The following ITGB8 variants were observed in gnomAD, a reference collection of about 807,000 sequenced individuals.
ITGB8 encodes integrin subunit beta 8, also known as integrin beta-8.
In ITGB8, 30 loss-of-function variants were observed where a neutral mutation model predicts 89.5. The observed-to-expected ratio is 0.34, with a 90% CI of 0.25 to 0.45. The LOEUF is 0.45. Among genes scored for constraint, ITGB8 ranks in the 20% least tolerant of loss-of-function variants. ITGB8 has a pLI of 1.00. For missense variants in ITGB8, 836 were observed against 933.3 expected (o/e 0.90, Z 1.36); for synonymous variants, 335 against 320.4 (o/e 1.05, Z -0.49).
intron 1 of ITGB8, among the ~76,000 whole-genome samples, chr7:20,362,208 T>A (rs1785530318): frequency 6.6e-6 from 1 of 152,156 alleles, no homozygotes. Flanking sequence ...TTATCTTGTA[T>A]TTCCAGAATG....
Position 20,409,774 on chromosome 7 carries a change from A to G in ITGB8, c.2183A>G (p.Lys728Arg). The change falls in exon 13 of 14, where the codon AAA (lysine) becomes AGA (arginine). Residue 728 changes from lysine (K) to arginine (R), a missense_variant. Transcript: ENST00000222573. ...SSSDYRVSAS[K>R]KDKLILQSVC... Reference sequence around the variant, plus strand: ...TCAGATTACAGAGTGTCAGCCTCAAAAAAGGTCAGTGAATTCTAAAAAAGA... The same window carrying G: ...TCAGATTACAGAGTGTCAGCCTCAAGAAAGGTCAGTGAATTCTAAAAAAGA... The G allele has an allele frequency of 3.7e-6, 6 of 1,613,140 alleles. No homozygotes were observed. The highest frequency in any genetic ancestry group is 5.1e-6 in the Non-Finnish European group (6 of 1,179,518).
chr7:20,390,750 T>C (rs1786820941), intron 6 of ITGB8, among the ~76,000 whole-genome samples: 1 of 152,120 alleles, frequency 6.6e-6, no homozygotes, highest in Non-Finnish European at 1.5e-5. Flanking sequence ...ATTATCTTTT[T>C]AATCTTGCCA....
intron 1 of ITGB8, among the ~76,000 whole-genome samples, chr7:20,341,384 G>T (rs1424914729): frequency 1.3e-5 from 2 of 152,108 alleles, no homozygotes. Context: ...GGTTAAAAAG[G>T]TCCCTTTTGA....
chr7:20,367,361 T>C (rs553283961), intron 3 of ITGB8, among the ~76,000 whole-genome samples, 175 bp downstream of exon 3: 1 of 152,242 alleles, frequency 6.6e-6, no homozygotes, highest in Admixed American at 6.5e-5. Flanking sequence ...GCCAGCTGTG[T>C]GTCTTCGGAC....
At chr7:20,343,009 G>C (rs1352652564) in intron 1 of ITGB8, among the ~76,000 whole-genome samples, 1 of 152,166 alleles carries the variant, frequency 6.6e-6, no homozygotes, top group African/African-American at 2.4e-5. Context: ...ATATAAATTG[G>C]TTGTATATTT....
In ITGB8 at chr7:20,385,250, A is replaced by G. The variant is rs895449699; in HGVS notation, c.960+3365A>G. 2.6e-5 allele frequency among the ~76,000 whole-genome samples: 4 copies of G among 152,224 alleles called. No homozygotes were observed. The East Asian group carries it at 7.7e-4, about 29-fold the overall frequency. On this transcript the variant is annotated intron_variant, in intron 6 of 13. Coordinates refer to ENST00000222573, the MANE Select transcript of ITGB8 (RefSeq NM_002214.3). ...GGAGGTCATCCAATGAACCTTATCA[A>G]TGGGATTTTCAGATGTTGATGTGAC...
chr7:20,413,839 C>A lies in ITGB8; in HGVS notation c.*3842C>A, dbSNP rs924098419. On this transcript the variant is annotated 3_prime_UTR_variant, in exon 14 of 14. Coordinates refer to ENST00000222573, the MANE Select transcript of ITGB8 (RefSeq NM_002214.3). The stretch of plus-strand genomic sequence containing the variant: ...TGGGAGCTCAATCATGTGCAGATTG[C>A]ATTCTGTTATGTTGACTCAATATTT... The A allele has an allele frequency of 6.6e-6, 1 of 151,966 alleles. No individual in the cohort carries two copies. The highest frequency in any genetic ancestry group is 2.4e-5 in the African/African-American group (1 of 41,414). 9.4% of individuals were successfully genotyped at this position (151,966 alleles called of 1,614,324 possible). A position where few individuals can be genotyped will look rare whatever the true frequency, so the allele number is the denominator to read the frequency against.
Position 20,332,683 on chromosome 7 carries a change from A to G in ITGB8, c.127+750A>G, listed in dbSNP as rs140999860. On this transcript the variant is annotated intron_variant, in intron 1 of 13. Transcript: ENST00000222573. ...CCTCATCTGTAAAACGAGGTTTATT[A>G]ATAATACCTGCCTTCTCTAAATCAC... Among the ~76,000 whole-genome samples the G allele has an allele frequency of 3.6e-3, 554 of 152,330 alleles. 1 individual carries two copies. The highest frequency in any genetic ancestry group is 6.2e-3 in the Non-Finnish European group (423 of 68,020).
At chr7:20,353,707 G>A (rs1049435263) in intron 1 of ITGB8, among the ~76,000 whole-genome samples, 1 of 147,306 alleles carries the variant, frequency 6.8e-6, no homozygotes, top group Non-Finnish European at 1.5e-5. Flanking sequence ...GCCGAGGCGG[G>A]CGGATCACGA....
intron 1 of ITGB8, among the ~76,000 whole-genome samples, chr7:20,332,515 A>G (rs1278129270): frequency 6.6e-6 from 1 of 152,066 alleles, no homozygotes; most frequent in African/African-American, 2.4e-5. Context: ...ATACTATCTA[A>G]TTGATCCCTC....
intron 1 of ITGB8, among the ~76,000 whole-genome samples, chr7:20,339,940 ATC>A (rs1416048462): frequency 6.6e-6 from 1 of 152,224 alleles, no homozygotes; most frequent in Non-Finnish European, 1.5e-5. Context: ...AGGCAGGAGA[ATC>A]GCCTGAACCC....
At chr7:20,390,065 CTAGT>C (rs1786792141) in intron 6 of ITGB8, among the ~76,000 whole-genome samples, 1 of 152,100 alleles carries the variant, frequency 6.6e-6, no homozygotes, top group Non-Finnish European at 1.5e-5. Flanking sequence ...ATAAGTGAAA[CTAGT>C]TAGTCTAGCC....
At chr7:20,355,077 G>T (rs1334977867) in intron 1 of ITGB8, among the ~76,000 whole-genome samples, 1 of 152,160 alleles carries the variant, frequency 6.6e-6, no homozygotes, top group South Asian at 2.1e-4. Context: ...GCTCACAGTT[G>T]TCACTTTCTC....
Position 20,402,053 on chromosome 7 carries a change from T to G in ITGB8, c.1614T>G (p.Leu538=). The stretch of plus-strand genomic sequence containing the variant: ...AATGTTCATGTCACAAAATTAAGCT[T>G]GGAAAAGTGTATGGAAAATACTGTG... The part of the protein sequence containing the change: ...CGKCSCHKIK[L]GKVYGKYCEK... Residue 538 remains leucine, a synonymous_variant, in exon 10 of 14, where the codon CTT becomes CTG. Coordinates refer to ENST00000222573, the MANE Select transcript of ITGB8 (RefSeq NM_002214.3). 6.2e-7 allele frequency: 1 copy of G among 1,614,142 alleles called. No homozygotes were observed. The highest frequency in any genetic ancestry group is 1.3e-5 in the African/African-American group (1 of 75,052).
At chr7:20,398,803 T>C in intron 8 of ITGB8, 57 bp from the exon 9 acceptor site, 1 of 1,282,836 alleles carries the variant, frequency 7.8e-7, no homozygotes, top group Non-Finnish European at 1.0e-6. Context: ...TGACTCTGCT[T>C]TGTTGCTGAC....
rs146330284 is a variant in ITGB8 at position 20,363,585 on chromosome 7, A to G, written c.128-52A>G. The G allele has an allele frequency of 9.7e-5, 107 of 1,098,174 alleles. No homozygotes were observed. The East Asian group carries it at 1.9e-3, about 20-fold the overall frequency. 68.0% of individuals were successfully genotyped at this position (1,098,174 alleles called of 1,614,324 possible). The stretch of plus-strand genomic sequence containing the variant: ...TTGTTTCATTTTAGTCTAGAATTAT[A>G]TACGCTTTCTATTTTGAGAGTAAAT... On this transcript the variant is annotated intron_variant, in intron 1 of 13. Transcript: ENST00000222573.
chr7:20,396,648 C>T (rs1787095252), intron 8 of ITGB8, among the ~76,000 whole-genome samples: 2 of 152,160 alleles, frequency 1.3e-5, no homozygotes, highest in Admixed American at 6.5e-5. Flanking sequence ...AATGTGTCTA[C>T]AATTCATTCC....
Position 20,363,686 on chromosome 7 carries a change from T to A in ITGB8, c.177T>A (p.Leu59=). ...SSNAASCARC[L]ALGPECGWCV... Reference sequence around the variant, plus strand: ...ATGCAGCATCCTGTGCCAGGTGCCTTGCGCTGGGTCCAGAATGTGGATGGT... The same window carrying A: ...ATGCAGCATCCTGTGCCAGGTGCCTAGCGCTGGGTCCAGAATGTGGATGGT... The change falls in exon 2 of 14, where the codon CTT becomes CTA. Residue 59 remains leucine (L), a synonymous_variant. Coordinates refer to ENST00000222573, the MANE Select transcript of ITGB8 (RefSeq NM_002214.3). 6.2e-7 allele frequency: 1 copy of A among 1,605,790 alleles called. No individual in the cohort carries two copies. The highest frequency in any genetic ancestry group is 8.5e-7 in the Non-Finnish European group (1 of 1,177,560).
At chr7:20,386,986 CA>C (rs1432466025) in intron 6 of ITGB8, among the ~76,000 whole-genome samples, 4 of 152,150 alleles carry the variant, frequency 2.6e-5, no homozygotes, top group Non-Finnish European at 5.9e-5. Context: ...GCCACAAACT[CA>C]AACATCTGCA....
Sources: gnomAD v4.1 joint callset for allele counts (sites outside exome capture counted in the v4.1 genomes callset) on GRCh38, gnomAD v4.1.1 for gene constraint, MANE v1.5 for transcripts, NCBI Gene and HGNC (gene_info 2026-07-23, HGNC 2026-07-21) for gene names.